Variants in ICA1 observed in about 807,000 individuals in gnomAD.
ICA1 encodes the protein 69 kDa islet cell autoantigen.
Under a neutral mutation model 71.0 loss-of-function variants are expected in ICA1, and 40 were observed. The observed-to-expected ratio is 0.56, with a 90% confidence interval of 0.44 to 0.73. The LOEUF is 0.73. ICA1 is among the 30% of genes least tolerant of loss of function. ICA1 has a pLI of 0.00. For missense variants in ICA1, 578 were observed against 576.5 expected, an observed-to-expected ratio of 1.00 and a Z score of -0.03; for synonymous variants, 207 against 209.5, an observed-to-expected ratio of 0.99 and a Z score of 0.10.
Position 8,196,963 on chromosome 7 carries a change from C to T in ICA1, c.579+21342G>A, listed in dbSNP as rs552260958. On this transcript the variant is annotated intron_variant, in intron 6 of 13. Transcript: ENST00000402384. ...GTGACTTTGCTCCTCATTCACCTTCCGCCACGATTGTGAGGCCTCCCCAGC... is the reference window on the plus strand; with the variant it reads ...GTGACTTTGCTCCTCATTCACCTTCTGCCACGATTGTGAGGCCTCCCCAGC... 1.7e-4 allele frequency among the ~76,000 whole-genome samples: 26 copies of T among 152,192 alleles called. No individual in the cohort carries two copies. In the South Asian group the frequency reaches 4.4e-3, roughly 25 times the overall value.
chr7:8,113,426 G>C lies in ICA1; in HGVS notation c.*497C>G, dbSNP rs1783785313. ...GCTGTGGGGACAGTGTCTTTGGTTG[G>C]CCAGAGCTTCATCCAGAGCTCACTG... On this transcript the variant is annotated 3_prime_UTR_variant, in exon 14 of 14. Coordinates refer to ENST00000402384, the MANE Select transcript of ICA1 (RefSeq NM_001136020.3). The surrounding 1 kb of genome is among the most constrained non-coding windows in gnomAD (Gnocchi z 4.2). 1 of 154,894 alleles carries C rather than the reference G, an allele frequency of 6.5e-6. No individual in the cohort carries two copies. Among genetic ancestry groups the C allele is most frequent in the African/African-American group, 2.4e-5 (1 of 41,464 alleles). 9.6% of individuals were successfully genotyped at this position (154,894 alleles called of 1,614,324 possible).
At chr7:8,261,486 C>T (rs941611391) in intron 1 of ICA1, among the ~76,000 whole-genome samples, 1 of 152,164 alleles carries the variant, frequency 6.6e-6, no homozygotes, top group Non-Finnish European at 1.5e-5. Flanking sequence ...TAGGGGTTCT[C>T]GCCCCGTCTA....
At position 8,226,104 on chromosome 7, in the gene ICA1, A is replaced by AT. The variant is rs1226625465; in HGVS notation, c.256+2496dup. Among the ~76,000 whole-genome samples, 5 of 151,892 alleles carry AT rather than the reference A, an allele frequency of 3.3e-5. No individual in the cohort carries two copies. The highest frequency in any genetic ancestry group is 1.5e-5 in the Non-Finnish European group (1 of 67,978). On this transcript the variant is annotated intron_variant, in intron 4 of 13. Transcript: ENST00000402384. This position sits in a 1 kb window ranked among gnomAD's most constrained non-coding sequence, Gnocchi z 4.4. The stretch of plus-strand genomic sequence containing the variant: ...TGCTACTGTTTGTATTCCATTTTAG[A>AT]TTTTCCCACATCTGGCTGGGTTTAA...
intron 8 of ICA1, among the ~76,000 whole-genome samples, chr7:8,149,518 A>G (rs764514215): frequency 5.3e-5 from 8 of 152,250 alleles, no homozygotes; most frequent in Non-Finnish European, 1.0e-4. Flanking sequence ...AAACAGCTTA[A>G]TATAATAATG....
chr7:8,251,870 C>T (rs1320145563), intron 1 of ICA1, among the ~76,000 whole-genome samples: 1 of 152,142 alleles, frequency 6.6e-6, no homozygotes, highest in African/African-American at 2.4e-5. Context: ...TCAAACTGCT[C>T]ACAAAAAGTG....
chr7:8,190,527 T>C (rs998310513), intron 6 of ICA1, among the ~76,000 whole-genome samples: 3 of 152,204 alleles, frequency 2.0e-5, no homozygotes, highest in Admixed American at 6.5e-5. Context: ...TTCAACTGCA[T>C]TGGAATGTTC....
chr7:8,127,148 G>GTTTT (rs34728476), intron 13 of ICA1, among the ~76,000 whole-genome samples: 4 of 144,254 alleles, frequency 2.8e-5, no homozygotes, highest in Non-Finnish European at 3.0e-5. Flanking sequence ...GCCTACCTAA[G>GTTTT]TTTTTTTTTT....
intron 13 of ICA1, chr7:8,114,728 T>A (rs1336151685): frequency 1.3e-5 from 2 of 152,260 alleles, no homozygotes; most frequent in African/African-American, 4.8e-5. Flanking sequence ...GCCAAATTAT[T>A]TTCCAGATGA....
chr7:8,139,060 A>G lies in ICA1; in HGVS notation c.956-13T>C, dbSNP rs1432765885. 1 of 1,606,270 alleles carries G rather than the reference A, an allele frequency of 6.2e-7. No homozygotes were observed. The highest frequency in any genetic ancestry group is 8.5e-7 in the Non-Finnish European group (1 of 1,173,044). ...TTTCCATCTTCAGCTGTAATATAAC[A>G]TGTGCAACTGGTTACCAACAACTCG... On this transcript the variant is annotated splice_polypyrimidine_tract_variant and intron_variant, in intron 10 of 13. Transcript: ENST00000402384.
At chr7:8,145,045 G>A (rs1251007682) in intron 8 of ICA1, among the ~76,000 whole-genome samples, 1 of 152,090 alleles carries the variant, frequency 6.6e-6, no homozygotes, top group Non-Finnish European at 1.5e-5. Context: ...TGTCTGCCAT[G>A]GACACCAGAT....
At chr7:8,211,805 G>A (rs1050193559) in intron 6 of ICA1, among the ~76,000 whole-genome samples, 2 of 152,106 alleles carry the variant, frequency 1.3e-5, no homozygotes, top group African/African-American at 2.4e-5. Context: ...AAGGGGTGGC[G>A]AGTAAGTATT....
At chr7:8,179,035 G>C (rs1024638868) in intron 6 of ICA1, among the ~76,000 whole-genome samples, 1 of 152,144 alleles carries the variant, frequency 6.6e-6, no homozygotes, top group Non-Finnish European at 1.5e-5. Context: ...TTCCAGGCTT[G>C]TCCATAAAAC....
chr7:8,176,618 C>T (rs1780716392), intron 6 of ICA1, among the ~76,000 whole-genome samples: 1 of 152,208 alleles, frequency 6.6e-6, no homozygotes, highest in African/African-American at 2.4e-5. Flanking sequence ...GAGACGATAG[C>T]AGAATGAGTG....
chr7:8,136,736 C>A (rs182783517), intron 12 of ICA1, among the ~76,000 whole-genome samples: 3 of 152,272 alleles, frequency 2.0e-5, no homozygotes, highest in Admixed American at 1.3e-4. Flanking sequence ...TTTTAAGGGA[C>A]CAGCACATTA....
rs1328486049 is a variant in ICA1 at position 8,242,031 on chromosome 7, T to C, written c.-79-6026A>G. Reference sequence around the variant, plus strand: ...ACGAGACAGAAGGTTAACAAGGATATCCAGGACTTGAACTCAGCTCTGCAC... The same window carrying C: ...ACGAGACAGAAGGTTAACAAGGATACCCAGGACTTGAACTCAGCTCTGCAC... On this transcript the variant is annotated intron_variant, in intron 1 of 13. Coordinates refer to ENST00000402384, the MANE Select transcript of ICA1 (RefSeq NM_001136020.3). 5.3e-5 allele frequency among the ~76,000 whole-genome samples: 8 copies of C among 152,078 alleles called. No homozygotes were observed. The East Asian group carries it at 1.5e-3, about 29-fold the overall frequency.
chr7:8,170,526 G>T (rs1807926181), intron 6 of ICA1, among the ~76,000 whole-genome samples: 1 of 151,836 alleles, frequency 6.6e-6, no homozygotes. Flanking sequence ...GTAGATTTTG[G>T]TGCACAGGTC....
Position 8,138,985 on chromosome 7 carries a change from C to T in ICA1, c.1018G>A (p.Gly340Arg), listed in dbSNP as rs1794304488. 1 of 1,611,882 alleles carries T rather than the reference C, an allele frequency of 6.2e-7. No individual in the cohort carries two copies. Among genetic ancestry groups the T allele is most frequent in the African/African-American group, 1.3e-5 (1 of 74,982 alleles). Residue 340 changes from glycine (G) to arginine (R), a missense_variant and splice_region_variant, in exon 11 of 14, where the codon GGA becomes AGA. Coordinates refer to ENST00000402384, the MANE Select transcript of ICA1 (RefSeq NM_001136020.3). Reference sequence around the variant, plus strand: ...AGTAGTTTTCCTTAATCTAGGTTACCTGAGCATGCAGTATGTGTAGAGCCT... The same window carrying T: ...AGTAGTTTTCCTTAATCTAGGTTACTTGAGCATGCAGTATGTGTAGAGCCT... Reference protein sequence around the residue: ...DKGSTHTACSGPIDELLDMKS... With the variant: ...DKGSTHTACSRPIDELLDMKS...
chr7:8,154,426 C>T (rs984951713), intron 8 of ICA1, among the ~76,000 whole-genome samples: 13 of 152,120 alleles, frequency 8.5e-5, no homozygotes, highest in Non-Finnish European at 1.9e-4. Context: ...AACTAACAGT[C>T]AGGAAATACA....
chr7:8,246,818 C>G (rs1806198088), intron 1 of ICA1, among the ~76,000 whole-genome samples: 1 of 152,186 alleles, frequency 6.6e-6, no homozygotes, highest in Non-Finnish European at 1.5e-5. Flanking sequence ...GCGATCTCGG[C>G]TCACCACAAC....
Sources: allele counts gnomAD v4.1 joint callset (sites outside exome capture counted in the v4.1 genomes callset), GRCh38; gene constraint gnomAD v4.1.1; non-coding constraint Gnocchi (gnomAD v3.1); transcripts MANE v1.5; gene names NCBI Gene and HGNC (gene_info 2026-07-23, HGNC 2026-07-21).